SNTA1: variants seen among roughly 807,000 people sequenced by gnomAD.
SNTA1 encodes syntrophin alpha 1, also known as alpha-1-syntrophin.
In SNTA1, 31 loss-of-function variants were observed where a neutral mutation model predicts 47.1. The ratio of observed to expected loss-of-function variants is 0.66; its 90% CI spans 0.49 to 0.89. The LOEUF (loss-of-function observed/expected upper bound fraction) is 0.89. Ranked by LOEUF, SNTA1 falls within the 40% of genes least tolerant of loss-of-function variation. The probability of loss-of-function intolerance (pLI) is 0.00; values close to 1 mark genes in which losing one functional copy is unlikely to be tolerated. For missense variants in SNTA1, 575 were observed against 693.0 expected, an observed-to-expected ratio of 0.83 and a Z score of 1.91; for synonymous variants, 300 against 313.6, an observed-to-expected ratio of 0.96 and a Z score of 0.46.
rs1275683627 is a variant in SNTA1, at chr20:33,410,257, G to A, written c.1115C>T (p.Thr372Met). ...AELSFALRTGTRHGVDTHLFS... is the reference protein window; with the variant it reads ...AELSFALRTGMRHGVDTHLFS... ...CAGGTGAGTGTCCACACCGTGACGC[G>A]TGCCCGTGCGCAGGGCAAAAGAGAG... Residue 372 changes from threonine to methionine, a missense_variant, in exon 6 of 8, where the codon ACG (threonine) becomes ATG (methionine). Transcript: ENST00000217381. 15 of 1,612,944 alleles carry A rather than the reference G, an allele frequency of 9.3e-6. No homozygotes were observed. The highest frequency in any genetic ancestry group is 4.0e-5 in the African/African-American group (3 of 74,910).
intron 2 of SNTA1, among the ~76,000 whole-genome samples, chr20:33,436,109 C>G (rs1448020983): frequency 6.6e-6 from 1 of 152,012 alleles, no homozygotes; most frequent in Non-Finnish European, 1.5e-5. Flanking sequence ...AGGAGAATGG[C>G]GTGAACCCGG....
intron 2 of SNTA1, among the ~76,000 whole-genome samples, chr20:33,428,657 C>T (rs1170877283): frequency 1.3e-5 from 2 of 151,946 alleles, no homozygotes; most frequent in Non-Finnish European, 2.9e-5. Flanking sequence ...TTGGGTACAG[C>T]CTTGAACTCC....
intron 2 of SNTA1, among the ~76,000 whole-genome samples, chr20:33,422,513 C>G (rs1990061489): frequency 6.6e-6 from 1 of 151,690 alleles, no homozygotes; most frequent in Admixed American, 6.6e-5. Flanking sequence ...GGCAGTAGCT[C>G]ACGCCTGTAG....
chr20:33,437,395 TC>T (rs1308953197), intron 2 of SNTA1, among the ~76,000 whole-genome samples: 1 of 138,854 alleles, frequency 7.2e-6, no homozygotes, highest in Non-Finnish European at 1.5e-5. Context: ...ACTACTGTAC[TC>T]CAGCCTGGGT....
At chr20:33,419,173 TG>T (rs1222734652) in intron 2 of SNTA1, among the ~76,000 whole-genome samples, 2 of 151,966 alleles carry the variant, frequency 1.3e-5, no homozygotes, top group African/African-American at 4.8e-5. Context: ...ATACCCTCTG[TG>T]GGTGCCTGAT....
intron 1 of SNTA1, among the ~76,000 whole-genome samples, chr20:33,442,632 C>T (rs529130592): frequency 1.3e-5 from 2 of 152,238 alleles, no homozygotes; most frequent in South Asian, 4.2e-4. Context: ...TGCAACCTCA[C>T]ACAGCTGATC....
rs1555822126 is a variant in SNTA1, at chr20:33,443,416, C to T, written c.205G>A (p.Glu69Lys). 1 of 1,340,638 alleles carries T rather than the reference C, an allele frequency of 7.5e-7. No homozygotes were observed. Among genetic ancestry groups the T allele is most frequent in the Non-Finnish European group, 9.5e-7 (1 of 1,053,506 alleles). The allele number at this position is 1,340,638 out of a possible 1,614,324, so 83.0% of individuals were successfully genotyped here. A position where few individuals can be genotyped will look rare whatever the true frequency, so the allele number is the denominator to read the frequency against. ...QEPAQLNGAAEPGAGPPQLPE... is the reference protein window; with the variant it reads ...QEPAQLNGAAKPGAGPPQLPE... ...AGCTGCGGGGGCCCGGCGCCCGGCT[C>T]CGCGGCGCCGTTGAGCTGCGCGGGC... Residue 69 changes from glutamate to lysine, a missense_variant, in exon 1 of 8, where the codon GAG becomes AAG. Coordinates refer to ENST00000217381, the MANE Select transcript of SNTA1 (RefSeq NM_003098.3).
chr20:33,408,515 A>G lies in SNTA1; in HGVS notation c.1510T>C (p.Leu504=). The part of the protein sequence containing the change: ...LSAKVTRLGL[L]A ...AGTGCATCCGGCGACTTCTAGGCCA[A>G]CAGCCCGAGGCGGGTGACTTTGGCC... The change falls in exon 8 of 8, where the codon TTG becomes CTG. Residue 504 remains leucine (L), a synonymous_variant. Coordinates refer to ENST00000217381, the MANE Select transcript of SNTA1 (RefSeq NM_003098.3). 6.2e-7 allele frequency: 1 copy of G among 1,613,748 alleles called. No individual in the cohort carries two copies. The highest frequency in any genetic ancestry group is 8.5e-7 in the Non-Finnish European group (1 of 1,179,616).
At chr20:33,411,401 T>C (rs1989738884) in intron 5 of SNTA1, among the ~76,000 whole-genome samples, 1 of 144,542 alleles carries the variant, frequency 6.9e-6, no homozygotes, top group Non-Finnish European at 1.5e-5. Context: ...ACCCGCCCCA[T>C]CTGGCAAGCA....
intron 2 of SNTA1, among the ~76,000 whole-genome samples, chr20:33,418,257 CT>C (rs34434208): frequency 0.35 from 45,480 of 129,472 alleles, 7,037 homozygotes; most frequent in African/African-American, 0.44. Context: ...GGCCATGTGA[CT>C]TTTTTTTTTT....
intron 2 of SNTA1, among the ~76,000 whole-genome samples, chr20:33,426,148 G>T (rs552935845): frequency 6.6e-6 from 1 of 151,768 alleles, no homozygotes; most frequent in Non-Finnish European, 1.5e-5. Flanking sequence ...ACTTTAAAGG[G>T]TATTAAAAGA....
intron 3 of SNTA1, among the ~76,000 whole-genome samples, chr20:33,415,105 T>C (rs993961051): frequency 2.2e-5 from 3 of 137,276 alleles, no homozygotes; most frequent in Non-Finnish European, 4.9e-5. Context: ...GGCATGTACA[T>C]GTTAAAACAC....
intron 2 of SNTA1, among the ~76,000 whole-genome samples, chr20:33,422,442 AAAAAAAAAAG>A (rs1056546489): frequency 1.1e-4 from 17 of 151,194 alleles, no homozygotes; most frequent in South Asian, 2.1e-4. Flanking sequence ...CTGTCTCAAA[AAAAAAAAAAG>A]AAAAGAAAAA....
rs377503517 is a variant in SNTA1 at position 33,437,353 on chromosome 20, G to A, written c.496+1488C>T. 1.2e-3 allele frequency among the ~76,000 whole-genome samples: 181 copies of A among 150,692 alleles called. 2 individuals are homozygous for A. In the South Asian group the frequency reaches 0.034, roughly 28 times the overall value. On this transcript the variant is annotated intron_variant, in intron 2 of 7. Coordinates refer to ENST00000217381, the MANE Select transcript of SNTA1 (RefSeq NM_003098.3). Reference sequence around the variant, plus strand: ...GAGGTGGGAGGATTGTTTGAGCCCCGGGGGGTGGAGGGTGCATTGAGCCAA... The same window carrying A: ...GAGGTGGGAGGATTGTTTGAGCCCCAGGGGGTGGAGGGTGCATTGAGCCAA...
At chr20:33,411,120 C>T (rs1027269965) in intron 5 of SNTA1, among the ~76,000 whole-genome samples, 15 of 152,064 alleles carry the variant, frequency 9.9e-5, no homozygotes, top group South Asian at 4.1e-4. Context: ...CCCCATATCC[C>T]TCTTTGTTCC....
rs556461026 is a variant in SNTA1 at position 33,415,250 on chromosome 20, G to A, written c.702-2468C>T. ...GCATTTACATGTCATCTACACGTGCGCACACTTAGAAACATATACACACGT... is the reference window on the plus strand; with the variant it reads ...GCATTTACATGTCATCTACACGTGCACACACTTAGAAACATATACACACGT... On this transcript the variant is annotated intron_variant, in intron 3 of 7. Transcript: ENST00000217381. Among the ~76,000 whole-genome samples the A allele has an allele frequency of 1.9e-3, 296 of 152,214 alleles. 4 individuals carry two copies. Among genetic ancestry groups the A allele is most frequent in the Middle Eastern group, 6.8e-3 (2 of 294 alleles).
chr20:33,415,500 C>T (rs1202694491), intron 3 of SNTA1, among the ~76,000 whole-genome samples: 1 of 151,964 alleles, frequency 6.6e-6, no homozygotes, highest in Non-Finnish European at 1.5e-5. Flanking sequence ...AGTAAAAATA[C>T]AGCCGGGCGC....
At chr20:33,417,692 CTGAG>C (rs1442982099) in intron 3 of SNTA1, 23 bp downstream of exon 3, 10 of 1,567,280 alleles carry the variant, frequency 6.4e-6, no homozygotes, top group Non-Finnish European at 8.8e-6. Context: ...ATCTGTCCAT[CTGAG>C]TTGCTCCCAA....
rs752630265 is a variant in SNTA1, at chr20:33,417,931, G to GGA, written c.497-10_497-9dup. ...CGTCCTTCATATACTTGACTGATTG[G>GGA]GAGAGACATCAGCAGTCACCACTGT... On this transcript the variant is annotated splice_polypyrimidine_tract_variant and intron_variant, in intron 2 of 7. Transcript: ENST00000217381. The GGA allele has an allele frequency of 3.8e-6, 6 of 1,598,922 alleles. No homozygotes were observed. Among genetic ancestry groups the GGA allele is most frequent in the Admixed American group, 3.3e-5 (2 of 59,928 alleles).
Sources: gnomAD v4.1 joint callset for allele counts (sites outside exome capture counted in the v4.1 genomes callset) on GRCh38, gnomAD v4.1.1 for gene constraint, MANE v1.5 for transcripts, NCBI Gene and HGNC (gene_info 2026-07-23, HGNC 2026-07-21) for gene names.